Variants in IGDCC3 observed in about 807,000 individuals in gnomAD.
IGDCC3 encodes the protein immunoglobulin superfamily DCC subclass member 3.
Under a neutral mutation model 72.0 loss-of-function variants are expected in IGDCC3, and 47 were observed. That is an observed-to-expected ratio of 0.65 (90% CI 0.52 to 0.83). IGDCC3 has a LOEUF of 0.83. Among genes scored for constraint, IGDCC3 ranks in the 40% least tolerant of loss-of-function variants. The probability of loss-of-function intolerance (pLI) is 0.00; values close to 1 mark genes in which losing one functional copy is unlikely to be tolerated. For missense variants in IGDCC3, 1,038 were observed against 1,091.3 expected (o/e 0.95, Z 0.69); for synonymous variants, 477 against 472.8 (o/e 1.01, Z -0.11).
chr15:65,377,587 G>C lies in IGDCC3; in HGVS notation c.103+99C>G. The C allele has an allele frequency of 1.7e-6, 2 of 1,193,100 alleles. No homozygotes were observed. Among genetic ancestry groups the C allele is most frequent in the Non-Finnish European group, 2.1e-6 (2 of 940,596 alleles). The allele number at this position is 1,193,100 out of a possible 1,614,324, so 73.9% of individuals were successfully genotyped here. A position where few individuals can be genotyped will look rare whatever the true frequency, so the allele number is the denominator to read the frequency against. ...GCGCGGGGTCCGCCCTCAGGTCCGC[G>C]CCGCTCTCCCCGGGTCCGCCCCTCG... On this transcript the variant is annotated intron_variant, in intron 1 of 13. Coordinates refer to ENST00000327987, the MANE Select transcript of IGDCC3 (RefSeq NM_004884.4). The surrounding 1 kb of genome is among the most constrained non-coding windows in gnomAD (Gnocchi z 4.9).
Position 65,332,013 on chromosome 15 carries a change from G to C in IGDCC3, c.1076C>G (p.Pro359Arg). ...FTCQAQGEPP[P>R]HVTWLKNGQV... Reference sequence around the variant, plus strand: ...TCCATTTTTCAGCCACGTGACATGAGGCGGTGGCTCACCCTGGGCTTGGCA... The same window carrying C: ...TCCATTTTTCAGCCACGTGACATGACGCGGTGGCTCACCCTGGGCTTGGCA... The change falls in exon 7 of 14, where the codon CCT (proline) becomes CGT (arginine). Residue 359 changes from proline to arginine, a missense_variant. Transcript: ENST00000327987. 1 of 1,614,200 alleles carries C rather than the reference G, an allele frequency of 6.2e-7. No homozygotes were observed. The highest frequency in any genetic ancestry group is 8.5e-7 in the Non-Finnish European group (1 of 1,180,022).
At position 65,377,855 on chromosome 15, in the gene IGDCC3, G is replaced by GCGGGGCCGGCGC. The variant is rs1273749606; in HGVS notation, c.-79_-68dup. 1 of 1,084,302 alleles carries GCGGGGCCGGCGC rather than the reference G, an allele frequency of 9.2e-7. No individual in the cohort carries two copies. Among genetic ancestry groups the GCGGGGCCGGCGC allele is most frequent in the Non-Finnish European group, 1.1e-6 (1 of 895,120 alleles). 67.2% of individuals were successfully genotyped at this position (1,084,302 alleles called of 1,614,324 possible). ...GGCCTCTCGCGGCTCACAGCGTCCC[G>GCGGGGCCGGCGC]CGGGGCCGGCGCCGGGGCCGGGGCT... On this transcript the variant is annotated 5_prime_UTR_variant, in exon 1 of 14. Coordinates refer to ENST00000327987, the MANE Select transcript of IGDCC3 (RefSeq NM_004884.4). This position sits in a 1 kb window ranked among gnomAD's most constrained non-coding sequence, Gnocchi z 4.9.
chr15:65,352,957 C>A (rs569310281), intron 2 of IGDCC3, among the ~76,000 whole-genome samples: 1 of 152,310 alleles, frequency 6.6e-6, no homozygotes, highest in East Asian at 1.9e-4. Context: ...CCAGTAATCT[C>A]TGTCTGCTAT....
At position 65,332,006 on chromosome 15, in the gene IGDCC3, G is replaced by C. The variant is rs761204494; in HGVS notation, c.1083C>G (p.Val361=). The C allele has an allele frequency of 6.8e-6, 11 of 1,614,206 alleles. No individual in the cohort carries two copies. The highest frequency in any genetic ancestry group is 7.6e-6 in the Non-Finnish European group (9 of 1,180,040). ...CQAQGEPPPH[V]TWLKNGQVLG... is the part of the protein sequence containing the mutation. Reference sequence around the variant, plus strand: ...GCACCTGTCCATTTTTCAGCCACGTGACATGAGGCGGTGGCTCACCCTGGG... The same window carrying C: ...GCACCTGTCCATTTTTCAGCCACGTCACATGAGGCGGTGGCTCACCCTGGG... The change falls in exon 7 of 14, where the codon GTC becomes GTG. Residue 361 remains valine, a synonymous_variant. Coordinates refer to ENST00000327987, the MANE Select transcript of IGDCC3 (RefSeq NM_004884.4).
At chr15:65,362,185 C>T (rs144402735) in intron 2 of IGDCC3, among the ~76,000 whole-genome samples, 5 of 151,602 alleles carry the variant, frequency 3.3e-5, no homozygotes, top group African/African-American at 1.2e-4. Flanking sequence ...GGGGTAGTGT[C>T]CGAGAACTTT....
intron 2 of IGDCC3, among the ~76,000 whole-genome samples, chr15:65,338,707 G>T (rs2091052734): frequency 2.6e-5 from 4 of 152,146 alleles, no homozygotes; most frequent in Middle Eastern, 3.4e-3. Context: ...TAGGATTTCT[G>T]TGAGACCCTG....
chr15:65,362,365 C>T (rs1048558602), intron 2 of IGDCC3, among the ~76,000 whole-genome samples: 2 of 152,108 alleles, frequency 1.3e-5, no homozygotes, highest in African/African-American at 4.8e-5. Flanking sequence ...AAGTGGGAGC[C>T]AGGGAGGGTG....
chr15:65,362,148 T>C (rs1314785005), intron 2 of IGDCC3, among the ~76,000 whole-genome samples: 1 of 150,780 alleles, frequency 6.6e-6, no homozygotes, highest in East Asian at 1.9e-4. Context: ...AGAGGAGGAA[T>C]TGGAGAGCCG....
intron 2 of IGDCC3, among the ~76,000 whole-genome samples, chr15:65,368,957 C>A (rs1418810415): frequency 6.6e-6 from 1 of 152,120 alleles, no homozygotes; most frequent in Non-Finnish European, 1.5e-5. Context: ...CCAGGCTCCA[C>A]AGGCAGGGGA....
chr15:65,371,035 TGCCACCACAACCCACATTTA>T, intron 2 of IGDCC3, among the ~76,000 whole-genome samples: 1 of 152,350 alleles, frequency 6.6e-6, no homozygotes, highest in African/African-American at 2.4e-5. Context: ...CAGGTCTGTT[TGCCACCACAACCCACATTTA>T]AACCACTGTT....
intron 2 of IGDCC3, among the ~76,000 whole-genome samples, chr15:65,362,099 G>A (rs1185930917): frequency 6.6e-6 from 1 of 151,544 alleles, no homozygotes; most frequent in Non-Finnish European, 1.5e-5. Context: ...AAAAAAAAAA[G>A]AAGTGGTACA....
rs1298935121 is a variant in IGDCC3 at position 65,335,415 on chromosome 15, T to G, written c.561A>C (p.Thr187=). The change falls in exon 4 of 14, where the codon ACA becomes ACC. Residue 187 remains threonine (T), a synonymous_variant. Transcript: ENST00000327987. The part of the protein sequence containing the change: ...VPIDTDNERY[T]LLPKGVLQIT... ...TCTGCAGGACCCCCTTGGGCAGCAATGTGTACCTGTTGAGGGGAGGGACAT... is the reference window on the plus strand; with the variant it reads ...TCTGCAGGACCCCCTTGGGCAGCAAGGTGTACCTGTTGAGGGGAGGGACAT... 3.1e-6 allele frequency: 5 copies of G among 1,610,070 alleles called. No individual in the cohort carries two copies. Among genetic ancestry groups the G allele is most frequent in the Middle Eastern group, 1.7e-4 (1 of 6,048 alleles).
At chr15:65,358,022 A>G (rs1043912694) in intron 2 of IGDCC3, among the ~76,000 whole-genome samples, 2 of 152,122 alleles carry the variant, frequency 1.3e-5, no homozygotes, top group African/African-American at 2.4e-5. Context: ...GATTCTAGGG[A>G]GAGGCTTAAA....
chr15:65,343,037 G>A (rs1003991158), intron 2 of IGDCC3, among the ~76,000 whole-genome samples: 1 of 152,110 alleles, frequency 6.6e-6, no homozygotes, highest in African/African-American at 2.4e-5. Flanking sequence ...GGGATCTTGG[G>A]CAAGTGATAG....
At chr15:65,355,656 T>TGCCCCCCCCCC in intron 2 of IGDCC3, 1 of 211,730 alleles carries the variant, frequency 4.7e-6, no homozygotes, top group South Asian at 3.1e-5. Context: ...GACGCGGGCG[T>TGCCCCCCCCCC]CCCGCCCCCC....
Position 65,369,077 on chromosome 15 carries a change from C to T in IGDCC3, c.409+6020G>A, listed in dbSNP as rs144952519. Among the ~76,000 whole-genome samples the T allele has an allele frequency of 4.2e-3, 635 of 152,254 alleles. 3 individuals carry two copies. Among genetic ancestry groups the T allele is most frequent in the Middle Eastern group, 0.017 (5 of 294 alleles). On this transcript the variant is annotated intron_variant, in intron 2 of 13. Coordinates refer to ENST00000327987, the MANE Select transcript of IGDCC3 (RefSeq NM_004884.4). ...TACTTAACAATGCAAGCAGCCATCA[C>T]CAAGAGGGTTTAGCGTGAATGCCAC...
rs368773694 is a variant in IGDCC3, at chr15:65,330,276, C to T, written c.1858+17G>A. 249 of 1,583,676 alleles carry T rather than the reference C, an allele frequency of 1.6e-4. No individual in the cohort carries two copies. Among genetic ancestry groups the T allele is most frequent in the Middle Eastern group, 3.3e-4 (2 of 5,986 alleles). ...CTTCCCACCCACTCAGCCCCGCACTCCATCCCCAGCCCTCACCTGTCCTCT... is the reference window on the plus strand; with the variant it reads ...CTTCCCACCCACTCAGCCCCGCACTTCATCCCCAGCCCTCACCTGTCCTCT... On this transcript the variant is annotated intron_variant, in intron 11 of 13. Transcript: ENST00000327987.
At chr15:65,361,297 C>T (rs1202836761) in intron 2 of IGDCC3, among the ~76,000 whole-genome samples, 5 of 149,994 alleles carry the variant, frequency 3.3e-5, no homozygotes, top group African/African-American at 1.2e-4. Context: ...AAAACATTAG[C>T]TGGGTGTGGT....
chr15:65,330,002 A>G, intron 11 of IGDCC3, 138 bp from the exon 12 acceptor site: 1 of 884,606 alleles, frequency 1.1e-6, no homozygotes, highest in Non-Finnish European at 1.7e-6. Context: ...CTTTGCCTAC[A>G]GGACTCCAGA....
Sources: gnomAD v4.1 joint callset for allele counts (sites outside exome capture counted in the v4.1 genomes callset) on GRCh38, gnomAD v4.1.1 for gene constraint, Gnocchi (gnomAD v3.1) non-coding constraint, MANE v1.5 for transcripts, NCBI Gene and HGNC (gene_info 2026-07-23, HGNC 2026-07-21) for gene names.